The following RAB20 variants were observed in gnomAD, a reference collection of about 807,000 sequenced individuals.
The protein encoded by RAB20 is RAB20, member RAS oncogene family.
In RAB20, 2 loss-of-function variants were observed where a neutral mutation model predicts 3.7. The ratio of observed to expected loss-of-function variants is 0.54; its 90% CI spans 0.22 to 1.69. The LOEUF (loss-of-function observed/expected upper bound fraction) is 1.69, where lower values mean the gene tolerates loss of function less well. RAB20 is among the 40% of genes most tolerant of loss of function. RAB20 has a pLI of 0.19. For synonymous variants in RAB20, 126 were observed against 130.8 expected (o/e 0.96, Z 0.25); for missense variants, 276 against 311.9 (o/e 0.88, Z 0.87).
intron 1 of RAB20, among the ~76,000 whole-genome samples, chr13:110,526,879 C>T (rs528711317): frequency 3.0e-4 from 45 of 152,310 alleles, no homozygotes; most frequent in African/African-American, 1.1e-3. Context: ...CTCAAGACGA[C>T]TGTACTTAAG....
chr13:110,538,694 C>G (rs1237776538), intron 1 of RAB20, among the ~76,000 whole-genome samples: 1 of 151,630 alleles, frequency 6.6e-6, no homozygotes, highest in Non-Finnish European at 1.5e-5. Context: ...GCATCAAGAG[C>G]AAAATGCCTG....
At chr13:110,553,268 T>C (rs991808242) in intron 1 of RAB20, among the ~76,000 whole-genome samples, 6 of 152,344 alleles carry the variant, frequency 3.9e-5, no homozygotes, top group South Asian at 4.1e-4. Context: ...GGAGCTGGTG[T>C]TCATCTTAAA....
intron 1 of RAB20, among the ~76,000 whole-genome samples, chr13:110,539,559 TTTTTG>T (rs1160231089): frequency 1.4e-5 from 2 of 139,426 alleles, no homozygotes; most frequent in Non-Finnish European, 3.2e-5. Flanking sequence ...GTTTTTGGGT[TTTTTG>T]TTTTTTTTTT....
At chr13:110,524,220 A>G in intron 1 of RAB20, 23 bp from the exon 2 acceptor site, 1 of 1,558,324 alleles carries the variant, frequency 6.4e-7, no homozygotes, top group Admixed American at 1.8e-5. Context: ...GAGGGACAGA[A>G]AGAGTGGTTA....
intron 1 of RAB20, among the ~76,000 whole-genome samples, chr13:110,557,483 G>A (rs992470731): frequency 1.3e-5 from 2 of 152,224 alleles, no homozygotes; most frequent in African/African-American, 2.4e-5. Flanking sequence ...AGGCCCTGGT[G>A]TGGCCACATA....
chr13:110,538,296 A>G (rs1449394588), intron 1 of RAB20, among the ~76,000 whole-genome samples: 1 of 151,202 alleles, frequency 6.6e-6, no homozygotes, highest in Admixed American at 6.6e-5. Flanking sequence ...AAAAAAGACT[A>G]TTGGTATTTC....
intron 1 of RAB20, among the ~76,000 whole-genome samples, chr13:110,553,652 C>T (rs547848497): frequency 3.7e-4 from 57 of 152,330 alleles, no homozygotes; most frequent in Non-Finnish European, 2.1e-4. Flanking sequence ...AGCAGGCCTG[C>T]GTCAGGCCCC....
At chr13:110,527,947 A>ACACACACACACACT (rs1441340409) in intron 1 of RAB20, among the ~76,000 whole-genome samples, 7 of 146,222 alleles carry the variant, frequency 4.8e-5, no homozygotes, top group Non-Finnish European at 1.0e-4. Context: ...ACACACATAC[A>ACACACACACACACT]CTTTAATTAG....
At chr13:110,529,474 TGA>T (rs1178425121) in intron 1 of RAB20, among the ~76,000 whole-genome samples, 1 of 152,228 alleles carries the variant, frequency 6.6e-6, no homozygotes, top group Non-Finnish European at 1.5e-5. Flanking sequence ...GCCAAAGCAC[TGA>T]GAGTTCTGGT....
At chr13:110,553,976 A>G (rs1256158621) in intron 1 of RAB20, among the ~76,000 whole-genome samples, 5 of 152,120 alleles carry the variant, frequency 3.3e-5, no homozygotes, top group Admixed American at 1.3e-4. Context: ...GTTTTTTTAA[A>G]TAAGGGTGCA....
Position 110,555,111 on chromosome 13 carries a change from G to T in RAB20, c.172+6237C>A, listed in dbSNP as rs766582214. 2.0e-5 allele frequency among the ~76,000 whole-genome samples: 3 copies of T among 152,150 alleles called. No homozygotes were observed. The highest frequency in any genetic ancestry group is 4.8e-5 in the African/African-American group (2 of 41,444). On this transcript the variant is annotated intron_variant, in intron 1 of 1. Coordinates refer to ENST00000267328, the MANE Select transcript of RAB20 (RefSeq NM_017817.3). The surrounding 1 kb of genome is among the most constrained non-coding windows in gnomAD (Gnocchi z 4.0). ...AGCCTTGTGAAAAGGATGTAGCCCG[G>T]GAGTATGGAGCCTGCACAGAGCCTG...
chr13:110,527,102 G>A (rs997855436), intron 1 of RAB20, among the ~76,000 whole-genome samples: 2 of 152,102 alleles, frequency 1.3e-5, no homozygotes, highest in African/African-American at 4.8e-5. Flanking sequence ...ATAAACCACT[G>A]TTTAGAGCCA....
At chr13:110,524,740 A>G (rs1444264550) in intron 1 of RAB20, among the ~76,000 whole-genome samples, 3 of 152,178 alleles carry the variant, frequency 2.0e-5, no homozygotes, top group African/African-American at 7.2e-5. Flanking sequence ...AGTTCATAAC[A>G]GCAGTTGTAA....
At chr13:110,534,186 T>C (rs1418397632) in intron 1 of RAB20, among the ~76,000 whole-genome samples, 1 of 152,218 alleles carries the variant, frequency 6.6e-6, no homozygotes. Context: ...GCTGATGGCC[T>C]GAGAAGTAAA....
intron 1 of RAB20, among the ~76,000 whole-genome samples, chr13:110,536,431 G>C (rs1884640247): frequency 6.6e-6 from 1 of 152,216 alleles, no homozygotes; most frequent in Non-Finnish European, 1.5e-5. Context: ...CTCTCACCAA[G>C]GTCCATGTGA....
intron 1 of RAB20, among the ~76,000 whole-genome samples, chr13:110,553,894 T>C (rs987458945): frequency 3.3e-5 from 5 of 152,132 alleles, no homozygotes; most frequent in African/African-American, 1.2e-4. Context: ...GGTAGGAAGA[T>C]CACTTTAGCC....
At chr13:110,550,294 A>G (rs776877411) in intron 1 of RAB20, among the ~76,000 whole-genome samples, 14 of 152,152 alleles carry the variant, frequency 9.2e-5, no homozygotes, top group Non-Finnish European at 1.8e-4. Context: ...GCGGTTGTTC[A>G]TTTGTATCCT....
At chr13:110,539,464 C>T (rs571176562) in intron 1 of RAB20, among the ~76,000 whole-genome samples, 1 of 152,124 alleles carries the variant, frequency 6.6e-6, no homozygotes, top group East Asian at 1.9e-4. Flanking sequence ...GGAACTGCAA[C>T]ATATGAGGCA....
chr13:110,554,921 G>GCT (rs1285437836), intron 1 of RAB20, among the ~76,000 whole-genome samples: 18 of 152,048 alleles, frequency 1.2e-4, no homozygotes, highest in Non-Finnish European at 2.5e-4. Flanking sequence ...TCTAGGTCCT[G>GCT]AGCCAAGCAG....
Sources: allele counts gnomAD v4.1 joint callset (sites outside exome capture counted in the v4.1 genomes callset), GRCh38; gene constraint gnomAD v4.1.1; non-coding constraint Gnocchi (gnomAD v3.1); transcripts MANE v1.5; gene names NCBI Gene and HGNC (gene_info 2026-07-23, HGNC 2026-07-21).